The following SLIT3 variants were observed in gnomAD, a reference collection of about 807,000 sequenced individuals.
SLIT3 encodes the protein slit guidance ligand 3, also known as slit homolog 3 protein.
In SLIT3, 68 loss-of-function variants were observed where a neutral mutation model predicts 184.0. The observed-to-expected ratio is 0.37, with a 90% confidence interval of 0.30 to 0.45. SLIT3 has a LOEUF of 0.45. Ranked by LOEUF, SLIT3 falls within the 20% of genes least tolerant of loss-of-function variation. SLIT3 has a pLI of 1.00. For synonymous variants in SLIT3, 831 were observed against 828.6 expected, an observed-to-expected ratio of 1.00 and a Z score of -0.05; for missense variants, 1,707 against 2,026.0, an observed-to-expected ratio of 0.84 and a Z score of 3.02.
chr5:168,889,927 A>G (rs1404489189), intron 4 of SLIT3, among the ~76,000 whole-genome samples: 3 of 152,016 alleles, frequency 2.0e-5, no homozygotes, highest in Admixed American at 6.6e-5. Flanking sequence ...GTGGATCACC[A>G]ATGTCAGGAT....
Position 168,903,031 on chromosome 5 carries a change from T to C in SLIT3, c.414-19695A>G, listed in dbSNP as rs575218475. Among the ~76,000 whole-genome samples the C allele has an allele frequency of 1.2e-4, 19 of 152,322 alleles. 1 individual carries two copies. In the South Asian group the frequency reaches 3.5e-3, roughly 28 times the overall value. On this transcript the variant is annotated intron_variant, in intron 4 of 35. Coordinates refer to ENST00000519560, the MANE Select transcript of SLIT3 (RefSeq NM_003062.4). ...CAGCAGGAGAGAGTGTAGTTCTTCA[T>C]TGACTGTTGATGAGAATCTCTAAGC...
intron 3 of SLIT3, among the ~76,000 whole-genome samples, chr5:169,217,583 C>A (rs1184656209): frequency 6.6e-6 from 1 of 152,144 alleles, no homozygotes; most frequent in Non-Finnish European, 1.5e-5. Context: ...TTCCTGGGGG[C>A]CCTTGGTACA....
At chr5:168,689,557 G>A (rs1463058025) in intron 29 of SLIT3, among the ~76,000 whole-genome samples, 1 of 152,198 alleles carries the variant, frequency 6.6e-6, no homozygotes, top group South Asian at 2.1e-4. Context: ...TTCTAAGATT[G>A]TTGGATGTTG....
At chr5:169,092,668 G>A (rs1459410811) in intron 4 of SLIT3, among the ~76,000 whole-genome samples, 1 of 152,182 alleles carries the variant, frequency 6.6e-6, no homozygotes, top group Non-Finnish European at 1.5e-5. Flanking sequence ...ATGGCAGGCA[G>A]CACAGTCCAT....
intron 8 of SLIT3, among the ~76,000 whole-genome samples, chr5:168,810,736 A>G (rs1757133210): frequency 6.6e-6 from 1 of 152,154 alleles, no homozygotes; most frequent in Admixed American, 6.5e-5. Context: ...CCATGGCCTG[A>G]TGACTTCAAG....
intron 9 of SLIT3, among the ~76,000 whole-genome samples, chr5:168,798,213 T>C (rs1756638751): frequency 1.0e-5 from 1 of 99,274 alleles, no homozygotes; most frequent in Admixed American, 9.1e-5. Context: ...TTTCTTTTCT[T>C]CTTCTTCTTC....
intron 4 of SLIT3, among the ~76,000 whole-genome samples, chr5:169,184,476 C>A (rs1763269745): frequency 6.6e-6 from 1 of 152,216 alleles, no homozygotes; most frequent in Admixed American, 6.5e-5. Context: ...AGGTACCTAG[C>A]ACACATTAGG....
intron 6 of SLIT3, among the ~76,000 whole-genome samples, chr5:168,828,810 G>A (rs979150340): frequency 1.3e-5 from 2 of 152,164 alleles, no homozygotes; most frequent in African/African-American, 4.8e-5. Flanking sequence ...CTTTCCAGAG[G>A]AGTCTCATGC....
chr5:168,873,363 C>T (rs1290956130), intron 5 of SLIT3, among the ~76,000 whole-genome samples: 2 of 151,882 alleles, frequency 1.3e-5, no homozygotes, highest in Non-Finnish European at 2.9e-5. Context: ...GGTATAGTGA[C>T]TCACACTCGT....
chr5:169,042,894 C>CT (rs35857632), intron 4 of SLIT3, among the ~76,000 whole-genome samples: 2,729 of 152,228 alleles, frequency 0.018, 70 homozygotes, highest in African/African-American at 0.061. Context: ...CAAAAGAGGG[C>CT]TTACTATCGG....
chr5:169,164,586 G>C (rs1435655730), intron 4 of SLIT3, among the ~76,000 whole-genome samples: 1 of 152,188 alleles, frequency 6.6e-6, no homozygotes, highest in Non-Finnish European at 1.5e-5. Context: ...ATCTCTATGA[G>C]TCAGCCTCAT....
At chr5:169,165,954 A>G (rs533426470) in intron 4 of SLIT3, among the ~76,000 whole-genome samples, 1 of 152,340 alleles carries the variant, frequency 6.6e-6, no homozygotes, top group South Asian at 2.1e-4. Flanking sequence ...AGTGCTTAGC[A>G]GATATTTGTT....
chr5:168,864,304 GAT>G (rs2113754369), intron 5 of SLIT3, among the ~76,000 whole-genome samples: 1 of 152,256 alleles, frequency 6.6e-6, no homozygotes, highest in Non-Finnish European at 1.5e-5. Flanking sequence ...ATGAGCTCTG[GAT>G]ATGTTTCATA....
chr5:168,723,008 G>C lies in SLIT3; in HGVS notation c.2340-4C>G. 6.2e-7 allele frequency: 1 copy of C among 1,612,964 alleles called. No homozygotes were observed. Among genetic ancestry groups the C allele is most frequent in the Non-Finnish European group, 8.5e-7 (1 of 1,178,958 alleles). On this transcript the variant is annotated splice_polypyrimidine_tract_variant and splice_region_variant and intron_variant, in intron 21 of 35. Transcript: ENST00000519560. ...GATGCTGTTGTTGCTCAGGTCACTA[G>C]GAAAAGTAAAACAGAGGGGTCATGC...
intron 1 of SLIT3, among the ~76,000 whole-genome samples, chr5:169,291,272 G>A (rs143243296): frequency 1.3e-5 from 2 of 152,280 alleles, no homozygotes; most frequent in Admixed American, 6.5e-5. Context: ...GACTCCTGCC[G>A]ACATTTGAGT....
intron 21 of SLIT3, 45 bp from the exon 22 acceptor site, chr5:168,723,049 A>G (rs763556924): frequency 3.4e-6 from 5 of 1,453,576 alleles, no homozygotes; most frequent in East Asian, 2.3e-5. Flanking sequence ...TCTTAGTTGC[A>G]TCTGTAGGAG....
intron 4 of SLIT3, among the ~76,000 whole-genome samples, chr5:169,119,613 G>A (rs925642913): frequency 2.0e-5 from 3 of 152,146 alleles, no homozygotes; most frequent in African/African-American, 7.2e-5. Context: ...CAGCAGCAGA[G>A]CCCTTCCATA....
rs115564702 is a variant in SLIT3, at chr5:168,739,775, A to G, written c.2270+8527T>C. Among the ~76,000 whole-genome samples, 439 of 152,284 alleles carry G rather than the reference A, an allele frequency of 2.9e-3. 6 individuals carry two copies. The highest frequency in any genetic ancestry group is 9.9e-3 in the African/African-American group (412 of 41,554). ...CCTTTTCAAATACATTTCTGTGTGA[A>G]GCCAAATTTCTTATCCTTCATCCAA... On this transcript the variant is annotated intron_variant, in intron 20 of 35. Transcript: ENST00000519560.
At chr5:168,995,292 G>GGTA (rs1318604982) in intron 4 of SLIT3, among the ~76,000 whole-genome samples, 1 of 152,170 alleles carries the variant, frequency 6.6e-6, no homozygotes, top group Non-Finnish European at 1.5e-5. Context: ...CTACAAAGGG[G>GGTA]GTAGTGTGGA....
Sources: allele counts gnomAD v4.1 joint callset (sites outside exome capture counted in the v4.1 genomes callset), GRCh38; gene constraint gnomAD v4.1.1; transcripts MANE v1.5; gene names NCBI Gene and HGNC (gene_info 2026-07-23, HGNC 2026-07-21).